The following PI4KA variants were observed in gnomAD, a reference collection of about 807,000 sequenced individuals.
The protein encoded by PI4KA is PI4-kinase alpha.
PI4KA carries 122 observed loss-of-function variants against 271.4 expected under a neutral mutation model. That is an observed-to-expected ratio of 0.45 (90% CI 0.39 to 0.52). PI4KA has a LOEUF of 0.52. Ranked by LOEUF, PI4KA falls within the 20% of genes least tolerant of loss-of-function variation. The pLI is 0.00. For synonymous variants in PI4KA, 1,041 were observed against 1,078.8 expected (o/e 0.96, Z 0.69); for missense variants, 1,969 against 2,769.1 (o/e 0.71, Z 6.48).
At chr22:20,827,939 C>T (rs551740079) in intron 3 of PI4KA, among the ~76,000 whole-genome samples, 5 of 151,970 alleles carry the variant, frequency 3.3e-5, no homozygotes, top group African/African-American at 7.3e-5. Flanking sequence ...GGATTACAGG[C>T]GTGCACTACC....
At chr22:20,838,567 T>C (rs1386751899) in intron 2 of PI4KA, 48 bp downstream of exon 2, 6 of 1,047,600 alleles carry the variant, frequency 5.7e-6, no homozygotes, top group Non-Finnish European at 7.5e-6. Context: ...AAACGCTCAC[T>C]ACACCCCCTT....
chr22:20,768,769 G>T (rs1192244247), intron 19 of PI4KA, among the ~76,000 whole-genome samples: 2 of 152,184 alleles, frequency 1.3e-5, no homozygotes, highest in Non-Finnish European at 2.9e-5. Flanking sequence ...AGGTGCTGAG[G>T]AGGTGGGGCA....
chr22:20,800,976 C>T (rs1275330959), intron 14 of PI4KA, among the ~76,000 whole-genome samples: 29 of 149,926 alleles, frequency 1.9e-4, no homozygotes, highest in African/African-American at 6.6e-4. Context: ...CCGCAACCTC[C>T]GCCTCCCGGG....
At chr22:20,803,396 C>T (rs1006363788) in intron 12 of PI4KA, 76 bp from the exon 13 acceptor site, 12 of 1,582,566 alleles carry the variant, frequency 7.6e-6, no homozygotes, top group Non-Finnish European at 1.0e-5. Context: ...GGGAGGTGCT[C>T]AACCCTTCAG....
At chr22:20,838,060 G>A (rs1925088892) in intron 2 of PI4KA, among the ~76,000 whole-genome samples, 1 of 151,406 alleles carries the variant, frequency 6.6e-6, no homozygotes, top group South Asian at 2.1e-4. Context: ...GGCAGAGGTT[G>A]CAGTGAGCCG....
At chr22:20,772,213 G>A (rs1327857036) in intron 19 of PI4KA, among the ~76,000 whole-genome samples, 2 of 152,252 alleles carry the variant, frequency 1.3e-5, no homozygotes, top group Non-Finnish European at 2.9e-5. Context: ...TGGAGGCCAA[G>A]GGGCAATTTC....
intron 32 of PI4KA, among the ~76,000 whole-genome samples, chr22:20,736,070 T>C (rs1479069392): frequency 3.3e-5 from 5 of 151,712 alleles, no homozygotes; most frequent in Non-Finnish European, 7.4e-5. Flanking sequence ...CTACACACAC[T>C]GAGAAACACT....
chr22:20,732,697 T>C (rs1928220586), intron 36 of PI4KA, among the ~76,000 whole-genome samples: 2 of 151,812 alleles, frequency 1.3e-5, no homozygotes, highest in African/African-American at 4.8e-5. Flanking sequence ...CTCAGAGGGG[T>C]GTGTGAACGC....
In PI4KA at chr22:20,838,605, G is replaced by C; in HGVS notation, c.273+10C>G. ...ACAATGAAGAAACTTTTAATTTCAT[G>C]AAGACTTACCTGAAGATCAGATTCA... On this transcript the variant is annotated intron_variant, in intron 2 of 54. Coordinates refer to ENST00000255882, the MANE Select transcript of PI4KA (RefSeq NM_058004.4). 2.0e-6 allele frequency: 3 copies of C among 1,507,778 alleles called. No individual in the cohort carries two copies. Among genetic ancestry groups the C allele is most frequent in the Non-Finnish European group, 2.8e-6 (3 of 1,084,388 alleles). The allele number at this position is 1,507,778 out of a possible 1,614,324, so 93.4% of individuals were successfully genotyped here.
At chr22:20,842,339 C>T (rs914350304) in intron 1 of PI4KA, among the ~76,000 whole-genome samples, 1 of 152,144 alleles carries the variant, frequency 6.6e-6, no homozygotes, top group African/African-American at 2.4e-5. Context: ...CAGTGAAACA[C>T]AGGTTGTGTT....
chr22:20,778,369 T>C (rs1405034832), intron 19 of PI4KA, among the ~76,000 whole-genome samples: 7 of 152,044 alleles, frequency 4.6e-5, no homozygotes, highest in Non-Finnish European at 1.0e-4. Flanking sequence ...CCAGGCGTAG[T>C]GGTGTGCACC....
chr22:20,794,879 T>C lies in PI4KA; in HGVS notation c.2277+1267A>G, dbSNP rs1217204836. Among the ~76,000 whole-genome samples the C allele has an allele frequency of 2.6e-5, 4 of 152,198 alleles. No homozygotes were observed. The East Asian group carries it at 5.8e-4, about 22-fold the overall frequency. ...GAGCACAGTCACGCCTGTTCGTTCA[T>C]AGACAGGTGACCACAGAAGAGTTGA... On this transcript the variant is annotated intron_variant, in intron 18 of 54. Transcript: ENST00000255882.
chr22:20,791,793 G>A (rs982086140), intron 19 of PI4KA, among the ~76,000 whole-genome samples: 2 of 151,944 alleles, frequency 1.3e-5, no homozygotes, highest in African/African-American at 2.4e-5. Context: ...CAACCAATGG[G>A]GGTGTCCATG....
intron 28 of PI4KA, among the ~76,000 whole-genome samples, chr22:20,748,745 T>C (rs553178359): frequency 6.6e-6 from 1 of 152,328 alleles, no homozygotes; most frequent in African/African-American, 2.4e-5. Flanking sequence ...TTGGACACTA[T>C]GACGATGAAG....
At chr22:20,719,348 G>GAGATCCTCCTGT (rs1471475023) in intron 43 of PI4KA, among the ~76,000 whole-genome samples, 1 of 151,302 alleles carries the variant, frequency 6.6e-6, no homozygotes, top group Non-Finnish European at 1.5e-5. Flanking sequence ...CTGGGCTCAA[G>GAGATCCTCCTGT]AGATCCTCCT....
chr22:20,730,189 G>A (rs1276975111), intron 36 of PI4KA, among the ~76,000 whole-genome samples, 178 bp from the exon 37 acceptor site: 2 of 152,148 alleles, frequency 1.3e-5, no homozygotes, highest in African/African-American at 4.8e-5. Flanking sequence ...AAAAGCATGA[G>A]AAGTTCTTTA....
chr22:20,829,582 CTTT>C lies in PI4KA; in HGVS notation c.367+4977_367+4979del, dbSNP rs34438790. Among the ~76,000 whole-genome samples the C allele has an allele frequency of 1.4e-4, 21 of 146,418 alleles. No homozygotes were observed. In the East Asian group the frequency reaches 4.0e-3, roughly 28 times the overall value. On this transcript the variant is annotated intron_variant, in intron 3 of 54. Coordinates refer to ENST00000255882, the MANE Select transcript of PI4KA (RefSeq NM_058004.4). ...TTTCTTTGTAAGTCTAGCTAGTGAT[CTTT>C]TTTTTTTTATTCAAAAAACCAACTC...
In PI4KA at chr22:20,765,094, C is replaced by T; in HGVS notation, c.2574+6G>A. 1 of 1,608,872 alleles carries T rather than the reference C, an allele frequency of 6.2e-7. No individual in the cohort carries two copies. The highest frequency in any genetic ancestry group is 8.5e-7 in the Non-Finnish European group (1 of 1,176,708). On this transcript the variant is annotated splice_donor_region_variant and intron_variant, in intron 21 of 54. Transcript: ENST00000255882. ...AGCATGGTAAAAATGAGATGTGAATCCTTACGGGGGTGACCGTGTCATTCT... is the reference window on the plus strand; with the variant it reads ...AGCATGGTAAAAATGAGATGTGAATTCTTACGGGGGTGACCGTGTCATTCT...
intron 19 of PI4KA, among the ~76,000 whole-genome samples, chr22:20,780,360 GTGACAGTAGCATC>G (rs1451699837): frequency 2.0e-5 from 3 of 152,210 alleles, no homozygotes; most frequent in Admixed American, 6.5e-5. Flanking sequence ...CCAAGCTGAA[GTGACAGTAGCATC>G]TGACACTTAC....
Sources: gnomAD v4.1 joint callset for allele counts (sites outside exome capture counted in the v4.1 genomes callset) on GRCh38, gnomAD v4.1.1 for gene constraint, MANE v1.5 for transcripts, NCBI Gene and HGNC (gene_info 2026-07-23, HGNC 2026-07-21) for gene names.